Variants in MPO observed in about 807,000 individuals in gnomAD.
MPO encodes the protein myeloperoxidase.
MPO carries 57 observed loss-of-function variants against 69.4 expected under a neutral mutation model. The observed-to-expected ratio is 0.82, with a 90% CI of 0.66 to 1.02. The LOEUF is 1.02. Among genes scored for constraint, MPO ranks in the 50% least tolerant of loss-of-function variants. The pLI, the probability that MPO is intolerant of heterozygous loss-of-function variation, is 0.00. For missense variants in MPO, 971 were observed against 1,014.1 expected, an observed-to-expected ratio of 0.96 and a Z score of 0.58; for synonymous variants, 426 against 417.1, an observed-to-expected ratio of 1.02 and a Z score of -0.26.
chr17:58,271,874 C>T lies in MPO; in HGVS notation c.1811G>A (p.Arg604His), dbSNP rs752151670. The T allele has an allele frequency of 1.2e-5, 20 of 1,613,930 alleles. No individual in the cohort carries two copies. Among genetic ancestry groups the T allele is most frequent in the South Asian group, 2.2e-5 (2 of 91,094 alleles). ...TTCAGGCTGCGGGAGCCCACAGAAG[C>T]GCCTCCAGGCATTGTATCCTGCATG... ...HGLPGYNAWR[R>H]FCGLPQPETV... The change falls in exon 11 of 12, where the codon CGC (arginine) becomes CAC (histidine). Residue 604 changes from arginine (R) to histidine (H), a missense_variant. Arg to His is a conservative substitution (Grantham distance 29). Coordinates refer to ENST00000225275, the MANE Select transcript of MPO (RefSeq NM_000250.2).
At position 58,273,015 on chromosome 17, in the gene MPO, C is replaced by T. The variant is rs34471705; in HGVS notation, c.1622-97G>A. ...AAGTCCAGGTAGGGTCAGGAGGATT[C>T]GAGAAGAGGGCTGGGCACAAGCAGT... On this transcript the variant is annotated intron_variant, in intron 9 of 11. Coordinates refer to ENST00000225275, the MANE Select transcript of MPO (RefSeq NM_000250.2). 1.5e-3 allele frequency: 2,182 copies of T among 1,474,906 alleles called. 39 individuals carry two copies. In the African/African-American group the frequency reaches 0.023, roughly 16 times the overall value. 91.4% of individuals were successfully genotyped at this position (1,474,906 alleles called of 1,614,324 possible).
At position 58,279,551 on chromosome 17, in the gene MPO, G is replaced by A. The variant is rs1970486042; in HGVS notation, c.520C>T (p.Arg174Cys). 1 of 1,614,122 alleles carries A rather than the reference G, an allele frequency of 6.2e-7. No homozygotes were observed. Among genetic ancestry groups the A allele is most frequent in the Non-Finnish European group, 8.5e-7 (1 of 1,180,036 alleles). The change falls in exon 4 of 12, where the codon CGC (arginine) becomes TGC (cysteine). Residue 174 changes from arginine to cysteine, a missense_variant. Physicochemically the swap from Arg to Cys is radical, Grantham distance 180. Coordinates refer to ENST00000225275, the MANE Select transcript of MPO (RefSeq NM_000250.2). ...TTGTTGCACATCCCGGTGATGGTGCGGTATTTGTCCTGCTCCGGGCAAGTC... is the reference window on the plus strand; with the variant it reads ...TTGTTGCACATCCCGGTGATGGTGCAGTATTTGTCCTGCTCCGGGCAAGTC... Reference protein sequence around the residue: ...GVTCPEQDKYRTITGMCNNRR... With the variant: ...GVTCPEQDKYCTITGMCNNRR...
Position 58,270,779 on chromosome 17 carries a change from G to T in MPO, c.2115C>A (p.Asp705Glu). 1.2e-6 allele frequency: 2 copies of T among 1,614,104 alleles called. No homozygotes were observed. The highest frequency in any genetic ancestry group is 2.2e-5 in the East Asian group (1 of 44,876). ...AQISLPRIIC[D>E]NTGITTVSKN... is the part of the protein sequence containing the mutation. Reference sequence around the variant, plus strand: ...TAGACACGGTGGTGATGCCTGTGTTGTCGCAGATGATCCGGGGCAATGAGA... The same window carrying T: ...TAGACACGGTGGTGATGCCTGTGTTTTCGCAGATGATCCGGGGCAATGAGA... Residue 705 changes from aspartate (D) to glutamate (E), a missense_variant, in exon 12 of 12, where the codon GAC becomes GAA. Coordinates refer to ENST00000225275, the MANE Select transcript of MPO (RefSeq NM_000250.2). The surrounding 1 kb of genome is among the most constrained non-coding windows in gnomAD (Gnocchi z 4.1).
Position 58,272,930 on chromosome 17 carries a change from A to C in MPO, c.1622-12T>G, listed in dbSNP as rs1970386091. On this transcript the variant is annotated splice_polypyrimidine_tract_variant and intron_variant, in intron 9 of 11. Transcript: ENST00000225275. ...GGGGTCAATGCCACCTGGGGACCAG[A>C]GGAGCCAGGTCAGGGGAAGTATCTG... The C allele has an allele frequency of 6.2e-7, 1 of 1,613,946 alleles. No individual in the cohort carries two copies. Among genetic ancestry groups the C allele is most frequent in the Non-Finnish European group, 8.5e-7 (1 of 1,179,998 alleles).
At position 58,279,050 on chromosome 17, in the gene MPO, G is replaced by A. The variant is rs1298660868; in HGVS notation, c.843C>T (p.Cys281=). 2.5e-6 allele frequency: 4 copies of A among 1,612,586 alleles called. No homozygotes were observed. Among genetic ancestry groups the A allele is most frequent in the Non-Finnish European group, 3.4e-6 (4 of 1,179,644 alleles). The part of the protein sequence containing the change: ...ARASFVTGVN[C]ETSCVQQPPC... ...GCGGCTGCTGAACGCAGCTGGTCTC[G>A]CAGTTGACGCCAGTGACGAAGGAGG... Residue 281 remains cysteine, a synonymous_variant, in exon 6 of 12, where the codon TGC becomes TGT. Coordinates refer to ENST00000225275, the MANE Select transcript of MPO (RefSeq NM_000250.2).
In MPO at chr17:58,270,869, T is replaced by C. The variant is rs2071409; in HGVS notation, c.2031-6A>G. 4 of 1,612,608 alleles carry C rather than the reference T, an allele frequency of 2.5e-6. No individual in the cohort carries two copies. The Admixed American group carries it at 5.0e-5, about 20-fold the overall frequency. On this transcript the variant is annotated splice_polypyrimidine_tract_variant and splice_region_variant and intron_variant, in intron 11 of 11. Transcript: ENST00000225275. The surrounding 1 kb of genome is among the most constrained non-coding windows in gnomAD (Gnocchi z 4.1). ...CCTCGTTCTCCCACCAAAACCTGCA[T>C]GGGGAACACCCATGGACACTGTGCC...
chr17:58,277,754 CACAA>C, intron 7 of MPO, 69 bp downstream of exon 7: 1 of 1,591,370 alleles, frequency 6.3e-7, no homozygotes, highest in Admixed American at 1.7e-5. Flanking sequence ...ACAAGCTGCT[CACAA>C]ACAGACTCAC....
At chr17:58,273,744 C>A in intron 8 of MPO, 75 bp from the exon 9 acceptor site, 1 of 1,606,292 alleles carries the variant, frequency 6.2e-7, no homozygotes, top group Non-Finnish European at 8.5e-7. Context: ...CACAGGAGGG[C>A]CAGAGTCTCT....
At position 58,273,725 on chromosome 17, in the gene MPO, G is replaced by T. The variant is rs561032661; in HGVS notation, c.1366-56C>A. The T allele has an allele frequency of 2.5e-6, 4 of 1,612,780 alleles. No homozygotes were observed. In the Admixed American group the frequency reaches 5.0e-5, roughly 20 times the overall value. On this transcript the variant is annotated intron_variant, in intron 8 of 11. Coordinates refer to ENST00000225275, the MANE Select transcript of MPO (RefSeq NM_000250.2). ...CACCCACTCCTCCACAGCAAATGCC[G>T]CCTGGCAGCACAGGAGGGCCAGAGT... is the stretch of plus-strand genomic sequence containing the variant.
chr17:58,275,655 G>A lies in MPO; in HGVS notation c.1252C>T (p.Leu418Phe). Residue 418 changes from leucine to phenylalanine, a missense_variant, in exon 8 of 12, where the codon CTC (leucine) becomes TTC (phenylalanine). By Grantham distance (22) the Leu-to-Phe change is conservative (BLOSUM62 0). Coordinates refer to ENST00000225275, the MANE Select transcript of MPO (RefSeq NM_000250.2). This position sits in a 1 kb window ranked among gnomAD's most constrained non-coding sequence, Gnocchi z 4.1. Reference protein sequence around the residue: ...EMPELTSMHTLLLREHNRLAT... With the variant: ...EMPELTSMHTFLLREHNRLAT... ...AGCCGGTTGTGCTCCCGAAGTAAGA[G>A]GGTGTGCATGGAGGTGAGCTCGGGC... 6.2e-7 allele frequency: 1 copy of A among 1,614,194 alleles called. No homozygotes were observed. Among genetic ancestry groups the A allele is most frequent in the Non-Finnish European group, 8.5e-7 (1 of 1,180,038 alleles).
rs550738510 is a variant in MPO, at chr17:58,279,819, G to T, written c.424+20C>A. On this transcript the variant is annotated intron_variant, in intron 3 of 11. Transcript: ENST00000225275. Reference sequence around the variant, plus strand: ...AGTCACTAGTGGAGCAGGGACCTGGGGTGTGATGGGCAACAGTACCAGTGA... The same window carrying T: ...AGTCACTAGTGGAGCAGGGACCTGGTGTGTGATGGGCAACAGTACCAGTGA... The T allele has an allele frequency of 6.2e-7, 1 of 1,614,008 alleles. No homozygotes were observed. Among genetic ancestry groups the T allele is most frequent in the East Asian group, 2.2e-5 (1 of 44,870 alleles).
In MPO at chr17:58,278,061, T is replaced by C. The variant is rs1461277507; in HGVS notation, c.970A>G (p.Ile324Val). Residue 324 changes from isoleucine (I) to valine (V), a missense_variant, in exon 7 of 12, where the codon ATC becomes GTC. Coordinates refer to ENST00000225275, the MANE Select transcript of MPO (RefSeq NM_000250.2). The stretch of plus-strand genomic sequence containing the variant: ...GCGTTGATCTGGTTGCGGATGGTGA[T>C]GTTGCTCCCGGGGCAAGCCGGGCAG... ...RSCPACPGSN[I>V]TIRNQINALT... is the part of the protein sequence containing the mutation. 1.2e-6 allele frequency: 2 copies of C among 1,612,696 alleles called. No homozygotes were observed. The highest frequency in any genetic ancestry group is 2.7e-5 in the African/African-American group (2 of 74,920).
intron 7 of MPO, among the ~76,000 whole-genome samples, chr17:58,276,838 G>A (rs1004327336): frequency 6.6e-6 from 1 of 152,210 alleles, no homozygotes; most frequent in East Asian, 1.9e-4. Context: ...GCTGCGTGCG[G>A]TGGCTCACAC....
chr17:58,278,280 C>T, intron 6 of MPO, 135 bp from the exon 7 acceptor site: 1 of 989,480 alleles, frequency 1.0e-6, no homozygotes. Context: ...CGAAAGGGAT[C>T]GCTGCCTAGG....
Position 58,273,586 on chromosome 17 carries a change from A to T in MPO, c.1449T>A (p.Asn483Lys). ...RKYLPTYRSY[N>K]DSVDPRIANV... ...TGGCGATGCGTGGGTCCACTGAGTC[A>T]TTGTAGGAACGGTACGTGGGCAGGT... is the stretch of plus-strand genomic sequence containing the variant. Residue 483 changes from asparagine (N) to lysine (K), a missense_variant, in exon 9 of 12, where the codon AAT (asparagine) becomes AAA (lysine). Coordinates refer to ENST00000225275, the MANE Select transcript of MPO (RefSeq NM_000250.2). The T allele has an allele frequency of 6.2e-7, 1 of 1,614,244 alleles. No individual in the cohort carries two copies. The highest frequency in any genetic ancestry group is 8.5e-7 in the Non-Finnish European group (1 of 1,180,032).
chr17:58,279,472 C>A (rs375838864), intron 4 of MPO, 46 bp from the exon 5 acceptor site: 1 of 1,612,124 alleles, frequency 6.2e-7, no homozygotes, highest in Non-Finnish European at 8.5e-7. Context: ...TTGTGGCGTC[C>A]GGGACGCCTC....
chr17:58,277,877 T>A lies in MPO; in HGVS notation c.1154A>T (p.Asp385Val). The change falls in exon 7 of 12, where the codon GAC becomes GTC. Residue 385 changes from aspartate (D) to valine (V), a missense_variant. Coordinates refer to ENST00000225275, the MANE Select transcript of MPO (RefSeq NM_000250.2). ...TGAGCGGTTGGTGAGGAGACAGGGG[T>A]CATCGTGCAGGTTGTCAAAGGGCAG... ...ALLPFDNLHD[D>V]PCLLTNRSAR... The A allele has an allele frequency of 1.2e-6, 2 of 1,608,862 alleles. No individual in the cohort carries two copies. Among genetic ancestry groups the A allele is most frequent in the Non-Finnish European group, 1.7e-6 (2 of 1,179,974 alleles).
At chr17:58,277,110 A>T (rs1016054613) in intron 7 of MPO, among the ~76,000 whole-genome samples, 1 of 146,328 alleles carries the variant, frequency 6.8e-6, no homozygotes, top group Non-Finnish European at 1.5e-5. Flanking sequence ...TCCGTCTTAG[A>T]AAAAAAAAAA....
Position 58,275,019 on chromosome 17 carries a change from C to T in MPO, c.1365+523G>A, listed in dbSNP as rs1298784242. Among the ~76,000 whole-genome samples the T allele has an allele frequency of 2.0e-5, 3 of 151,756 alleles. No individual in the cohort carries two copies. Among genetic ancestry groups the T allele is most frequent in the African/African-American group, 4.8e-5 (2 of 41,378 alleles). ...AGCTGGGACTACAGGTGCCCGCCACCACGCCCGGCTAATTTTTGTATTTTT... is the reference window on the plus strand; with the variant it reads ...AGCTGGGACTACAGGTGCCCGCCACTACGCCCGGCTAATTTTTGTATTTTT... On this transcript the variant is annotated intron_variant, in intron 8 of 11. Coordinates refer to ENST00000225275, the MANE Select transcript of MPO (RefSeq NM_000250.2). The surrounding 1 kb of genome is among the most constrained non-coding windows in gnomAD (Gnocchi z 4.1).
Sources: allele counts gnomAD v4.1 joint callset (sites outside exome capture counted in the v4.1 genomes callset), GRCh38; gene constraint gnomAD v4.1.1; non-coding constraint Gnocchi (gnomAD v3.1); transcripts MANE v1.5; gene names NCBI Gene and HGNC (gene_info 2026-07-23, HGNC 2026-07-21).